The following METTL21A variants were observed in gnomAD, a reference collection of about 807,000 sequenced individuals.
METTL21A encodes the protein methyltransferase 21A, HSPA lysine.
METTL21A carries 22 observed loss-of-function variants against 20.9 expected under a neutral mutation model. That is an observed-to-expected ratio of 1.05 (90% CI 0.75 to 1.50). The LOEUF (loss-of-function observed/expected upper bound fraction) is 1.50, where lower values mean the gene tolerates loss of function less well. Ranked by LOEUF, METTL21A falls within the 40% of genes most tolerant of loss-of-function variation. The probability of loss-of-function intolerance (pLI) is 0.00; values close to 1 mark genes in which losing one functional copy is unlikely to be tolerated. For missense variants in METTL21A, 271 were observed against 266.8 expected (o/e 1.02, Z -0.11); for synonymous variants, 93 against 102.0 (o/e 0.91, Z 0.53).
At chr2:207,596,166 A>G (rs1415967931) in intron 3 of METTL21A, among the ~76,000 whole-genome samples, 1 of 152,032 alleles carries the variant, frequency 6.6e-6, no homozygotes, top group African/African-American at 2.4e-5. Flanking sequence ...GTGCGGCCCA[A>G]CCTCACTCTT....
intron 3 of METTL21A, among the ~76,000 whole-genome samples, chr2:207,590,030 TG>T (rs1421150702): frequency 2.0e-5 from 3 of 151,538 alleles, no homozygotes; most frequent in Middle Eastern, 3.2e-3. Flanking sequence ...CTTATATGGT[TG>T]GTAGAATTTG....
At chr2:207,606,591 T>C (rs1224307504), downstream of METTL21A, among the ~76,000 whole-genome samples, 2 of 152,184 alleles carry the variant, frequency 1.3e-5, no homozygotes, top group Non-Finnish European at 2.9e-5. Flanking sequence ...AGAGGAGGGT[T>C]CTCTATACTC....
chr2:207,624,166 T>A (rs985932569), intron 2 of METTL21A, 63 bp downstream of exon 2: 18 of 1,502,438 alleles, frequency 1.2e-5, no homozygotes, highest in Admixed American at 2.3e-5. Flanking sequence ...CTAAAAAAAA[T>A]AAAAAATAAA....
intron 3 of METTL21A, among the ~76,000 whole-genome samples, chr2:207,588,410 C>A (rs2084293284): frequency 6.6e-6 from 1 of 152,080 alleles, no homozygotes; most frequent in African/African-American, 2.4e-5. Flanking sequence ...GTCCTTTAGC[C>A]AATACCATGT....
At chr2:207,584,462 G>A (rs1157976802) in intron 3 of METTL21A, among the ~76,000 whole-genome samples, 1 of 152,084 alleles carries the variant, frequency 6.6e-6, no homozygotes, top group Admixed American at 6.6e-5. Flanking sequence ...GGAGTGCAGT[G>A]GCACCATGTC....
upstream of METTL21A, chr2:207,625,502 C>T (rs1000954407): frequency 6.6e-6 from 1 of 152,276 alleles, no homozygotes; most frequent in Non-Finnish European, 1.5e-5. Context: ...GGGACCGGGG[C>T]TTTCCCTCGT....
At chr2:207,606,084 A>G (rs954667307), downstream of METTL21A, among the ~76,000 whole-genome samples, 5 of 152,268 alleles carry the variant, frequency 3.3e-5, no homozygotes, top group Non-Finnish European at 4.4e-5. Flanking sequence ...CAAGTTTTCA[A>G]TATGCCATCT....
chr2:207,582,123 A>G, exon 4 of METTL21A: 1 of 702,970 alleles, frequency 1.4e-6, no homozygotes, highest in Non-Finnish European at 2.6e-6. Context: ...CTCTTTGTCC[A>G]GCCCATATTC....
intron 3 of METTL21A, chr2:207,620,553 T>C: frequency 9.9e-7 from 1 of 1,005,124 alleles, no homozygotes; most frequent in Non-Finnish European, 1.4e-6. Flanking sequence ...CTTCAGAAAG[T>C]AGCTTCATCT....
chr2:207,582,918 A>ATAT (rs35896795), intron 3 of METTL21A: 28,506 of 257,360 alleles, frequency 0.11, 2,071 homozygotes, highest in Non-Finnish European at 0.14. Context: ...AACAAAAAAA[A>ATAT]ATATATATAT....
At chr2:207,597,521 T>C (rs1016129465) in intron 3 of METTL21A, 2 of 217,862 alleles carry the variant, frequency 9.2e-6, no homozygotes, top group African/African-American at 4.5e-5. Context: ...GATTGCCAAA[T>C]TGACATGTTG....
chr2:207,621,076 T>TGATAAACATTATACATTGTATCTTG (rs1559127795), intron 3 of METTL21A, among the ~76,000 whole-genome samples: 1 of 152,202 alleles, frequency 6.6e-6, no homozygotes, highest in Non-Finnish European at 1.5e-5. Context: ...AATATGGAAG[T>TGATAAACATTATACATTGTATCTTG]GATAAACATT....
intron 3 of METTL21A, among the ~76,000 whole-genome samples, chr2:207,589,936 A>G (rs2084646086): frequency 6.6e-6 from 1 of 152,088 alleles, no homozygotes; most frequent in Non-Finnish European, 1.5e-5. Context: ...TTATTAGGGT[A>G]ATGCTGACCT....
chr2:207,595,513 C>T (rs1418837986), intron 3 of METTL21A, among the ~76,000 whole-genome samples: 1 of 151,966 alleles, frequency 6.6e-6, no homozygotes, highest in Non-Finnish European at 1.5e-5. Context: ...CTCGACCTCC[C>T]GGCCTCCAAC....
intron 3 of METTL21A, among the ~76,000 whole-genome samples, chr2:207,588,091 T>G (rs1441077640): frequency 6.6e-6 from 1 of 151,736 alleles, no homozygotes; most frequent in East Asian, 1.9e-4. Context: ...CAACTAAAAA[T>G]AAAAAGGAAA....
At chr2:207,617,623 G>A (rs1218636176) in intron 3 of METTL21A, among the ~76,000 whole-genome samples, 1 of 152,232 alleles carries the variant, frequency 6.6e-6, no homozygotes, top group Non-Finnish European at 1.5e-5. Flanking sequence ...GGCAGGCAGT[G>A]GGAAGGCAAA....
At chr2:207,622,834 G>A (rs1434849728) in intron 2 of METTL21A, among the ~76,000 whole-genome samples, 1 of 151,988 alleles carries the variant, frequency 6.6e-6, no homozygotes, top group South Asian at 2.1e-4. Context: ...TCTCACAGCC[G>A]CATACTGTGA....
chr2:207,582,886 G>T, intron 3 of METTL21A: 1 of 300,804 alleles, frequency 3.3e-6, no homozygotes, highest in Non-Finnish European at 6.6e-6. Flanking sequence ...GTGAGACTCT[G>T]TCTCAAAAAA....
chr2:207,600,114 G>A (rs2086777272), intron 3 of METTL21A: 1 of 184,578 alleles, frequency 5.4e-6, no homozygotes, highest in Non-Finnish European at 1.1e-5. Context: ...ATTGCTATCA[G>A]ATACAATTTT....
Sources: allele counts gnomAD v4.1 joint callset (sites outside exome capture counted in the v4.1 genomes callset), GRCh38; gene constraint gnomAD v4.1.1; transcripts MANE v1.5; gene names NCBI Gene and HGNC (gene_info 2026-07-23, HGNC 2026-07-21).